SGCZ: variants seen among roughly 807,000 people sequenced by gnomAD.
The protein encoded by SGCZ is sarcoglycan zeta, also known as zeta-sarcoglycan.
SGCZ carries 40 observed loss-of-function variants against 41.3 expected under a neutral mutation model. The observed-to-expected ratio is 0.97, with a 90% CI of 0.75 to 1.26. SGCZ has a LOEUF of 1.26. Among genes scored for constraint, SGCZ ranks in the 50% most tolerant of loss-of-function variants. The probability of loss-of-function intolerance (pLI) is 0.00; values close to 1 mark genes in which losing one functional copy is unlikely to be tolerated. For missense variants in SGCZ, 552 were observed against 369.8 expected, an observed-to-expected ratio of 1.49 and a Z score of -4.04; for synonymous variants, 206 against 137.5, an observed-to-expected ratio of 1.50 and a Z score of -3.49.
chr8:14,546,116 C>T (rs1803617732), intron 2 of SGCZ, among the ~76,000 whole-genome samples: 1 of 152,160 alleles, frequency 6.6e-6, no homozygotes, highest in South Asian at 2.1e-4. Context: ...TGGAAGCAGT[C>T]TTGCAACATT....
chr8:14,828,673 G>C (rs1335411998), intron 1 of SGCZ, among the ~76,000 whole-genome samples: 1 of 152,186 alleles, frequency 6.6e-6, no homozygotes, highest in African/African-American at 2.4e-5. Context: ...GAAGGGTCAT[G>C]GCAGCAGTTG....
At chr8:14,222,159 T>C (rs977495511) in intron 4 of SGCZ, among the ~76,000 whole-genome samples, 22 of 152,144 alleles carry the variant, frequency 1.4e-4, no homozygotes, top group Admixed American at 1.1e-3. Flanking sequence ...GTTGTTGTTG[T>C]TGCTGTTTTT....
intron 1 of SGCZ, among the ~76,000 whole-genome samples, chr8:14,584,133 C>A (rs1804983531): frequency 6.6e-6 from 1 of 152,020 alleles, no homozygotes; most frequent in African/African-American, 2.4e-5. Context: ...ATCACTGCTA[C>A]AAACCACATA....
chr8:14,238,179 A>G (rs534713917), intron 3 of SGCZ, among the ~76,000 whole-genome samples: 1 of 152,358 alleles, frequency 6.6e-6, no homozygotes, highest in South Asian at 2.1e-4. Flanking sequence ...ACTTATCACA[A>G]AGCAATTTAA....
chr8:14,458,704 TCTACCTAC>T (rs911427099), intron 2 of SGCZ, among the ~76,000 whole-genome samples: 47 of 152,234 alleles, frequency 3.1e-4, no homozygotes, highest in African/African-American at 1.1e-3. Flanking sequence ...TATCTATATA[TCTACCTAC>T]CTACCTACCT....
chr8:15,189,611 A>G (rs538657298), intron 1 of SGCZ, among the ~76,000 whole-genome samples: 66 of 151,814 alleles, frequency 4.3e-4, no homozygotes, highest in Non-Finnish European at 6.6e-4. Flanking sequence ...CCCAGGCTAG[A>G]GCGCAATGGC....
chr8:14,590,798 T>A (rs1316130061), intron 1 of SGCZ, among the ~76,000 whole-genome samples: 1 of 148,100 alleles, frequency 6.8e-6, no homozygotes, highest in African/African-American at 2.4e-5. Context: ...CTTTATAATA[T>A]ATATGAATAT....
chr8:14,204,864 T>C (rs1172634871), intron 4 of SGCZ, among the ~76,000 whole-genome samples: 1 of 152,160 alleles, frequency 6.6e-6, no homozygotes, highest in Non-Finnish European at 1.5e-5. Flanking sequence ...ATCTGATAGT[T>C]ACGTCATTGG....
chr8:14,624,388 T>C (rs190862247), intron 1 of SGCZ, among the ~76,000 whole-genome samples: 1 of 151,982 alleles, frequency 6.6e-6, no homozygotes, highest in East Asian at 1.9e-4. Flanking sequence ...GAAAGTAAAA[T>C]TCATCGACTT....
intron 7 of SGCZ, among the ~76,000 whole-genome samples, chr8:14,093,981 T>A (rs1801766686): frequency 6.6e-6 from 1 of 152,004 alleles, no homozygotes; most frequent in Non-Finnish European, 1.5e-5. Flanking sequence ...GAATAGGGCA[T>A]GGAATTGTGA....
intron 5 of SGCZ, among the ~76,000 whole-genome samples, chr8:14,132,111 C>A (rs1019900419): frequency 5.3e-5 from 8 of 152,036 alleles, no homozygotes; most frequent in Admixed American, 1.3e-4. Flanking sequence ...CCCAGAGGTC[C>A]CTTAGCCTGT....
At chr8:14,402,412 A>T in intron 2 of SGCZ, among the ~76,000 whole-genome samples, 1 of 151,734 alleles carries the variant, frequency 6.6e-6, no homozygotes, top group Non-Finnish European at 1.5e-5. Context: ...TAGGATTTTT[A>T]TGGTTTTAGG....
chr8:14,763,687 G>C (rs1799955551), intron 1 of SGCZ, among the ~76,000 whole-genome samples: 1 of 152,166 alleles, frequency 6.6e-6, no homozygotes, highest in African/African-American at 2.4e-5. Flanking sequence ...GAGGTAGGAA[G>C]AAAACCCAAT....
rs1475578943 is a variant in SGCZ, at chr8:14,833,968, T to G, written c.40-279042A>C. On this transcript the variant is annotated intron_variant, in intron 1 of 7. Coordinates refer to ENST00000382080, the MANE Select transcript of SGCZ (RefSeq NM_139167.4). Reference sequence around the variant, plus strand: ...CCTCGCTTAGAAATATTGTGGAAGCTACTTTAAAAATGACTACAGCCTTAG... The same window carrying G: ...CCTCGCTTAGAAATATTGTGGAAGCGACTTTAAAAATGACTACAGCCTTAG... Among the ~76,000 whole-genome samples the G allele has an allele frequency of 3.3e-5, 5 of 152,334 alleles. No individual in the cohort carries two copies. In the East Asian group the frequency reaches 9.6e-4, roughly 29 times the overall value.
At position 14,148,333 on chromosome 8, in the gene SGCZ, TA is replaced by T. The variant is rs1411558530; in HGVS notation, c.547+16246del. Among the ~76,000 whole-genome samples the T allele has an allele frequency of 1.1e-4, 17 of 151,722 alleles. No homozygotes were observed. In the East Asian group the frequency reaches 3.1e-3, roughly 28 times the overall value. ...ACTAAGAAAAAAAGATACAAATAAA[TA>T]AAATCAGAAACAAAAAAGGAGTCAT... is the stretch of plus-strand genomic sequence containing the variant. On this transcript the variant is annotated intron_variant, in intron 5 of 7. Coordinates refer to ENST00000382080, the MANE Select transcript of SGCZ (RefSeq NM_139167.4).
chr8:14,420,260 A>C (rs986983866), intron 2 of SGCZ, among the ~76,000 whole-genome samples: 2 of 152,060 alleles, frequency 1.3e-5, no homozygotes, highest in African/African-American at 4.8e-5. Flanking sequence ...GAAGACTAAT[A>C]GAAACAAAAG....
intron 1 of SGCZ, among the ~76,000 whole-genome samples, chr8:14,600,610 C>G (rs182234761): frequency 3.9e-4 from 60 of 152,236 alleles, no homozygotes; most frequent in African/African-American, 1.3e-3. Flanking sequence ...CATTAGCAGA[C>G]AACAGGTGCT....
At chr8:14,246,670 C>A (rs7008422) in intron 3 of SGCZ, among the ~76,000 whole-genome samples, 30,583 of 151,388 alleles carry the variant, frequency 0.2, 3,247 homozygotes, top group East Asian at 0.28. Flanking sequence ...CACTTTGGGA[C>A]GCCGAGGCGG....
intron 1 of SGCZ, among the ~76,000 whole-genome samples, chr8:14,601,898 A>C (rs534885596): frequency 6.6e-6 from 1 of 152,226 alleles, no homozygotes; most frequent in South Asian, 2.1e-4. Flanking sequence ...AGGCGGGCGG[A>C]TCACGAGGTC....
Sources: gnomAD v4.1 joint callset for allele counts (sites outside exome capture counted in the v4.1 genomes callset) on GRCh38, gnomAD v4.1.1 for gene constraint, MANE v1.5 for transcripts, NCBI Gene and HGNC (gene_info 2026-07-23, HGNC 2026-07-21) for gene names.